Variants in AGTPBP1 observed in about 807,000 individuals in gnomAD.
AGTPBP1 encodes the protein cytosolic carboxypeptidase 1.
In AGTPBP1, 70 loss-of-function variants were observed where a neutral mutation model predicts 143.9. The ratio of observed to expected loss-of-function variants is 0.49; its 90% CI spans 0.40 to 0.59. The LOEUF (loss-of-function observed/expected upper bound fraction) is 0.59. Among genes scored for constraint, AGTPBP1 ranks in the 20% least tolerant of loss-of-function variants. The pLI is 0.00. For missense variants in AGTPBP1, 1,229 were observed against 1,464.5 expected (o/e 0.84, Z 2.62); for synonymous variants, 463 against 500.2 (o/e 0.93, Z 0.99).
intron 18 of AGTPBP1, among the ~76,000 whole-genome samples, chr9:85,595,569 G>A (rs192474194): frequency 5.4e-4 from 82 of 152,132 alleles, no homozygotes; most frequent in Middle Eastern, 3.4e-3. Flanking sequence ...CTCTGTCACC[G>A]AGGCTGGAGT....
chr9:85,676,271 A>G (rs1834825098), intron 6 of AGTPBP1, among the ~76,000 whole-genome samples: 2 of 152,160 alleles, frequency 1.3e-5, no homozygotes. Flanking sequence ...TAACCTACAG[A>G]ATGGGAGGAA....
intron 23 of AGTPBP1, among the ~76,000 whole-genome samples, chr9:85,582,844 G>A (rs529366638): frequency 3.3e-5 from 5 of 152,218 alleles, no homozygotes; most frequent in Non-Finnish European, 7.4e-5. Context: ...AAAAAAAAAG[G>A]TTCCATGGTA....
intron 2 of AGTPBP1, among the ~76,000 whole-genome samples, chr9:85,710,575 T>C (rs1420180577): frequency 2.0e-5 from 3 of 152,120 alleles, no homozygotes; most frequent in Non-Finnish European, 4.4e-5. Flanking sequence ...ATTTGCCTTA[T>C]TGCATTCAGC....
At chr9:85,602,685 C>T (rs953638868) in intron 17 of AGTPBP1, among the ~76,000 whole-genome samples, 1 of 152,134 alleles carries the variant, frequency 6.6e-6, no homozygotes, top group Admixed American at 6.5e-5. Flanking sequence ...CCAAATTGAA[C>T]AACTATCCAC....
chr9:85,573,656 G>A (rs2133031444), intron 25 of AGTPBP1, among the ~76,000 whole-genome samples: 1 of 151,852 alleles, frequency 6.6e-6, no homozygotes, highest in Non-Finnish European at 1.5e-5. Flanking sequence ...TCTAGGAAGT[G>A]AGGAGAGCCT....
At chr9:85,741,714 C>A (rs1275515808) in intron 1 of AGTPBP1, 61 bp downstream of exon 1, 4 of 1,270,012 alleles carry the variant, frequency 3.1e-6, no homozygotes, top group Non-Finnish European at 4.0e-6. Context: ...GCATCTCCCG[C>A]GGCCCGGGGA....
intron 25 of AGTPBP1, among the ~76,000 whole-genome samples, chr9:85,551,720 C>T (rs1002782616): frequency 2.0e-5 from 3 of 152,200 alleles, no homozygotes; most frequent in Non-Finnish European, 2.9e-5. Flanking sequence ...ATAATTTCAA[C>T]GTATGTTTTG....
intron 23 of AGTPBP1, among the ~76,000 whole-genome samples, chr9:85,579,618 G>A (rs1263309244): frequency 6.6e-6 from 1 of 150,558 alleles, no homozygotes; most frequent in Non-Finnish European, 1.5e-5. Context: ...GGGGGGGGGT[G>A]TAAGGCTATG....
chr9:85,660,429 T>C (rs1008043260), intron 9 of AGTPBP1, among the ~76,000 whole-genome samples: 1 of 152,116 alleles, frequency 6.6e-6, no homozygotes, highest in African/African-American at 2.4e-5. Context: ...TCAATTCTGA[T>C]AAGGAAAACA....
chr9:85,804,490 A>T, the AGTPBP1 span, among the ~76,000 whole-genome samples: 1 of 152,124 alleles, frequency 6.6e-6, no homozygotes, highest in South Asian at 2.1e-4. Flanking sequence ...TTTGTCTTTT[A>T]TTGTCTGTTT....
intron 1 of AGTPBP1, among the ~76,000 whole-genome samples, chr9:85,714,955 A>T (rs893681550): frequency 6.6e-6 from 1 of 152,158 alleles, no homozygotes; most frequent in African/African-American, 2.4e-5. Flanking sequence ...GCAGCTTATC[A>T]AAAATAAAGG....
chr9:85,724,297 A>G (rs1166353090), intron 1 of AGTPBP1, among the ~76,000 whole-genome samples: 1 of 151,876 alleles, frequency 6.6e-6, no homozygotes, highest in Non-Finnish European at 1.5e-5. Context: ...AAAAAAAAAA[A>G]AAAAAAAAGA....
intron 2 of AGTPBP1, among the ~76,000 whole-genome samples, 175 bp downstream of exon 2, chr9:85,712,327 T>A (rs1837432524): frequency 6.6e-6 from 1 of 152,132 alleles, no homozygotes; most frequent in Non-Finnish European, 1.5e-5. Flanking sequence ...GTGGTCATAG[T>A]TTGCTGATTC....
At chr9:85,732,643 T>C (rs571287842) in intron 1 of AGTPBP1, among the ~76,000 whole-genome samples, 1 of 152,350 alleles carries the variant, frequency 6.6e-6, no homozygotes, top group East Asian at 1.9e-4. Context: ...GTAATTACTT[T>C]AAATGTAAAG....
Position 85,586,906 on chromosome 9 carries a change from A to G in AGTPBP1, c.2958T>C (p.Ser986=). 6.2e-7 allele frequency: 1 copy of G among 1,614,072 alleles called. No homozygotes were observed. Among genetic ancestry groups the G allele is most frequent in the Non-Finnish European group, 8.5e-7 (1 of 1,179,958 alleles). Residue 986 remains serine (S), a synonymous_variant, in exon 22 of 26, where the codon AGT becomes AGC. Coordinates refer to ENST00000357081, the MANE Select transcript of AGTPBP1 (RefSeq NM_001330701.2). ...EDLNRQWQSP[S]PDLHPTIYHA... ...GGTAAATTGTAGGATGTAAATCCGG[A>G]CTTGGACTTTGCCACTGCCTATTCA... is the stretch of plus-strand genomic sequence containing the variant.
chr9:85,609,707 A>G (rs761383868), intron 17 of AGTPBP1, among the ~76,000 whole-genome samples: 5 of 152,218 alleles, frequency 3.3e-5, no homozygotes, highest in African/African-American at 7.2e-5. Context: ...GGCACCCATA[A>G]GGAATGACAG....
chr9:85,672,796 T>C, intron 6 of AGTPBP1, 115 bp from the exon 7 acceptor site: 2 of 749,192 alleles, frequency 2.7e-6, no homozygotes, highest in Non-Finnish European at 3.9e-6. Flanking sequence ...GTGCAGTGGC[T>C]CCATCTCAGC....
chr9:85,782,928 A>G, the AGTPBP1 span, among the ~76,000 whole-genome samples: 56 of 152,212 alleles, frequency 3.7e-4, 1 homozygote, highest in African/African-American at 1.3e-3. Flanking sequence ...AAAAGTAAAC[A>G]AGTATCAAGT....
intron 13 of AGTPBP1, among the ~76,000 whole-genome samples, chr9:85,634,717 T>C (rs528618370): frequency 6.6e-6 from 1 of 152,206 alleles, no homozygotes; most frequent in South Asian, 2.1e-4. Flanking sequence ...TTTGCTATTA[T>C]ACAAAACTGC....
Sources: gnomAD v4.1 joint callset for allele counts (sites outside exome capture counted in the v4.1 genomes callset) on GRCh38, gnomAD v4.1.1 for gene constraint, MANE v1.5 for transcripts, NCBI Gene and HGNC (gene_info 2026-07-23, HGNC 2026-07-21) for gene names.